Variants in TMTC1 observed in about 807,000 individuals in gnomAD.
The protein encoded by TMTC1 is protein O-mannosyl-transferase TMTC1.
TMTC1 carries 73 observed loss-of-function variants against 104.8 expected under a neutral mutation model. The ratio of observed to expected loss-of-function variants is 0.70; its 90% CI spans 0.58 to 0.85. TMTC1 has a LOEUF of 0.85. Ranked by LOEUF, TMTC1 falls within the 40% of genes least tolerant of loss-of-function variation. The pLI, the probability that TMTC1 is intolerant of heterozygous loss-of-function variation, is 0.00. For missense variants in TMTC1, 1,035 were observed against 1,096.1 expected (o/e 0.94, Z 0.79); for synonymous variants, 434 against 428.7 (o/e 1.01, Z -0.15).
At chr12:29,520,482 T>C in intron 12 of TMTC1, 136 bp downstream of exon 12, 1 of 712,060 alleles carries the variant, frequency 1.4e-6, no homozygotes, top group South Asian at 1.7e-5. Flanking sequence ...AGCCCCGAGG[T>C]ATAATGACTG....
chr12:29,752,190 T>C (rs1195055972), intron 4 of TMTC1, among the ~76,000 whole-genome samples: 1 of 151,698 alleles, frequency 6.6e-6, no homozygotes, highest in Non-Finnish European at 1.5e-5. Context: ...TCCAAATAGG[T>C]TTCTCTCAGA....
intron 11 of TMTC1, among the ~76,000 whole-genome samples, chr12:29,530,703 C>T (rs1944479051): frequency 6.6e-6 from 1 of 152,180 alleles, no homozygotes; most frequent in Non-Finnish European, 1.5e-5. Flanking sequence ...GGAGGCTATG[C>T]TTCCCAGCCT....
chr12:29,755,969 T>A, intron 3 of TMTC1, 84 bp from the exon 4 acceptor site: 1 of 1,376,942 alleles, frequency 7.3e-7, no homozygotes, highest in Non-Finnish European at 9.9e-7. Context: ...TAAGATCTAA[T>A]GTCAATTTCA....
intron 5 of TMTC1, among the ~76,000 whole-genome samples, chr12:29,718,864 C>T (rs952719384): frequency 2.8e-5 from 4 of 142,364 alleles, no homozygotes; most frequent in Non-Finnish European, 4.5e-5. Context: ...ACCCAGGAGG[C>T]GGAGCTTGCA....
intron 5 of TMTC1, among the ~76,000 whole-genome samples, chr12:29,710,679 A>T (rs1305663441): frequency 7.1e-6 from 1 of 139,910 alleles, no homozygotes; most frequent in Non-Finnish European, 1.5e-5. Flanking sequence ...ATATTTATAT[A>T]TTTATAATTT....
At position 29,502,508 on chromosome 12, in the gene TMTC1, A is replaced by G. The variant is rs981191301; in HGVS notation, c.*4338T>C. On this transcript the variant is annotated 3_prime_UTR_variant, in exon 18 of 18. Coordinates refer to ENST00000539277, the MANE Select transcript of TMTC1 (RefSeq NM_001193451.2). ...TATATACTGGCACTTAGTCTGGTAC[A>G]TGCAAATTTCAAGGCAATTCCTCTC... 6.6e-6 allele frequency: 1 copy of G among 152,166 alleles called. No individual in the cohort carries two copies. Among genetic ancestry groups the G allele is most frequent in the African/African-American group, 2.4e-5 (1 of 41,440 alleles). 9.4% of individuals were successfully genotyped at this position (152,166 alleles called of 1,614,324 possible).
At chr12:29,605,643 T>TAAAAAG (rs1946679125) in intron 6 of TMTC1, among the ~76,000 whole-genome samples, 1 of 151,828 alleles carries the variant, frequency 6.6e-6, no homozygotes, top group South Asian at 2.1e-4. Context: ...TAATTTAGAC[T>TAAAAAG]ATACTTTGGG....
intron 5 of TMTC1, among the ~76,000 whole-genome samples, chr12:29,664,153 C>G (rs1019063697): frequency 9.3e-5 from 14 of 150,326 alleles, no homozygotes; most frequent in South Asian, 2.1e-4. Context: ...CGCCACTGCA[C>G]TCCAGCCTGG....
At chr12:29,648,274 A>G (rs895966958) in intron 5 of TMTC1, among the ~76,000 whole-genome samples, 1 of 152,228 alleles carries the variant, frequency 6.6e-6, no homozygotes, top group Non-Finnish European at 1.5e-5. Context: ...AGGCACATTC[A>G]GGTTTGACAA....
intron 5 of TMTC1, among the ~76,000 whole-genome samples, chr12:29,688,099 T>A (rs1327488219): frequency 6.6e-6 from 1 of 152,112 alleles, no homozygotes; most frequent in East Asian, 1.9e-4. Flanking sequence ...GAGCCCCCAG[T>A]CAAACATTTC....
chr12:29,607,742 C>A (rs1946740380), intron 6 of TMTC1, among the ~76,000 whole-genome samples: 1 of 152,110 alleles, frequency 6.6e-6, no homozygotes. Context: ...GGTACTTGGA[C>A]AGGCAATATT....
chr12:29,589,630 G>A (rs552922569), intron 7 of TMTC1, among the ~76,000 whole-genome samples: 2 of 152,310 alleles, frequency 1.3e-5, no homozygotes, highest in African/African-American at 4.8e-5. Flanking sequence ...GTAGAACAAA[G>A]GGGAAGGAGA....
chr12:29,599,843 A>C (rs1946505103), intron 7 of TMTC1, among the ~76,000 whole-genome samples: 2 of 151,806 alleles, frequency 1.3e-5, no homozygotes, highest in South Asian at 4.1e-4. Flanking sequence ...TTTGCGTAAA[A>C]GTGATGATCT....
At chr12:29,743,051 A>G (rs1942867505) in intron 5 of TMTC1, among the ~76,000 whole-genome samples, 1 of 152,266 alleles carries the variant, frequency 6.6e-6, no homozygotes, top group African/African-American at 2.4e-5. Flanking sequence ...ACCATTTATG[A>G]AAACCCACAA....
intron 2 of TMTC1, among the ~76,000 whole-genome samples, chr12:29,766,447 T>C (rs560674132): frequency 2.6e-5 from 4 of 152,330 alleles, no homozygotes; most frequent in East Asian, 1.9e-4. Flanking sequence ...TCTAAGGCCA[T>C]GTTATATTCT....
intron 5 of TMTC1, among the ~76,000 whole-genome samples, chr12:29,726,347 G>A (rs1210650636): frequency 1.3e-5 from 2 of 152,104 alleles, no homozygotes; most frequent in Non-Finnish European, 2.9e-5. Flanking sequence ...CATGAAAGCT[G>A]CTCTTTATAG....
At chr12:29,700,358 G>A (rs939145388) in intron 5 of TMTC1, among the ~76,000 whole-genome samples, 11 of 151,124 alleles carry the variant, frequency 7.3e-5, no homozygotes, top group Non-Finnish European at 1.5e-4. Flanking sequence ...TCAGCCTCCC[G>A]AGTAGCTGGG....
intron 2 of TMTC1, among the ~76,000 whole-genome samples, chr12:29,759,189 G>A (rs1175110574): frequency 1.3e-5 from 2 of 152,126 alleles, no homozygotes; most frequent in Non-Finnish European, 2.9e-5. Flanking sequence ...AGTAAGTTGA[G>A]AATCAATACT....
In TMTC1 at chr12:29,589,930, C is replaced by T. The variant is rs542271800; in HGVS notation, c.1251-6356G>A. ...ACTAAAGCTTAAAAGAGTTGAGTAA[C>T]TTGCCCACAGCCCCAGAAGCTAGGA... On this transcript the variant is annotated intron_variant, in intron 7 of 17. Transcript: ENST00000539277. 2.6e-5 allele frequency among the ~76,000 whole-genome samples: 4 copies of T among 152,318 alleles called. No individual in the cohort carries two copies. In the South Asian group the frequency reaches 8.3e-4, roughly 32 times the overall value.
Sources: allele counts gnomAD v4.1 joint callset (sites outside exome capture counted in the v4.1 genomes callset), GRCh38; gene constraint gnomAD v4.1.1; transcripts MANE v1.5; gene names NCBI Gene and HGNC (gene_info 2026-07-23, HGNC 2026-07-21).